The following RGS10 variants were observed in gnomAD, a reference collection of about 807,000 sequenced individuals.
RGS10 encodes regulator of G protein signaling 10.
A neutral mutation model predicts 23.5 loss-of-function variants in RGS10; 11 were observed. The observed-to-expected ratio is 0.47, with a 90% confidence interval of 0.29 to 0.77. RGS10 has a LOEUF of 0.77. Among genes scored for constraint, RGS10 ranks in the 30% least tolerant of loss-of-function variants. The probability of loss-of-function intolerance (pLI) is 0.08; values close to 1 mark genes in which losing one functional copy is unlikely to be tolerated. For missense variants in RGS10, 180 were observed against 226.3 expected, an observed-to-expected ratio of 0.80 and a Z score of 1.31; for synonymous variants, 77 against 83.2, an observed-to-expected ratio of 0.92 and a Z score of 0.41.
chr10:119,504,177 GTTC>G (rs1167210003), intron 4 of RGS10, among the ~76,000 whole-genome samples: 7 of 152,192 alleles, frequency 4.6e-5, no homozygotes, highest in Admixed American at 6.5e-5. Context: ...TCCCAAATAC[GTTC>G]TTTTTTGTTG....
At chr10:119,500,835 T>C (rs952173754) in intron 4 of RGS10, among the ~76,000 whole-genome samples, 2 of 152,048 alleles carry the variant, frequency 1.3e-5, no homozygotes, top group East Asian at 3.9e-4. Flanking sequence ...AAATAAAGAA[T>C]AGAGCAGCCA....
At chr10:119,541,827 C>A (rs1474373169) in intron 1 of RGS10, among the ~76,000 whole-genome samples, 1 of 152,204 alleles carries the variant, frequency 6.6e-6, no homozygotes, top group African/African-American at 2.4e-5. Flanking sequence ...GAGAGTTCAC[C>A]CAACGCGGTG....
chr10:119,521,734 A>C (rs940428234), intron 3 of RGS10, among the ~76,000 whole-genome samples: 12 of 149,074 alleles, frequency 8.0e-5, no homozygotes, highest in Admixed American at 2.0e-4. Flanking sequence ...AAAAAAAAAA[A>C]AACAGAACAG....
At chr10:119,526,142 C>G (rs200782426) in intron 2 of RGS10, 24 bp from the exon 3 acceptor site, 2 of 1,233,324 alleles carry the variant, frequency 1.6e-6, no homozygotes, top group East Asian at 2.4e-5. Flanking sequence ...GAAAAAGAGT[C>G]ACACAGTATT....
chr10:119,501,124 T>C (rs984920168), intron 4 of RGS10, among the ~76,000 whole-genome samples: 19 of 152,184 alleles, frequency 1.2e-4, no homozygotes, highest in African/African-American at 4.1e-4. Context: ...CCATCTGCCC[T>C]CCTCCCTTGC....
intron 3 of RGS10, among the ~76,000 whole-genome samples, chr10:119,523,447 T>G (rs979891872): frequency 2.6e-5 from 4 of 152,128 alleles, no homozygotes; most frequent in Admixed American, 2.6e-4. Flanking sequence ...GGCGGATCAC[T>G]TGAGGTCAGA....
chr10:119,509,495 G>A (rs1844053133), intron 4 of RGS10, among the ~76,000 whole-genome samples: 1 of 152,050 alleles, frequency 6.6e-6, no homozygotes, highest in African/African-American at 2.4e-5. Context: ...GGAGGCTGAG[G>A]TGGGAGGATT....
chr10:119,505,614 C>T (rs542344549), intron 4 of RGS10, among the ~76,000 whole-genome samples: 1 of 152,228 alleles, frequency 6.6e-6, no homozygotes, highest in South Asian at 2.1e-4. Flanking sequence ...CAGGATTTGC[C>T]TTCCTGAAAG....
At chr10:119,506,891 G>C (rs943436603) in intron 4 of RGS10, among the ~76,000 whole-genome samples, 2 of 152,068 alleles carry the variant, frequency 1.3e-5, no homozygotes, top group Non-Finnish European at 2.9e-5. Context: ...AGTAGAGACG[G>C]GGTTTCACCA....
At chr10:119,529,437 A>T (rs1229585162) in intron 1 of RGS10, among the ~76,000 whole-genome samples, 1 of 152,156 alleles carries the variant, frequency 6.6e-6, no homozygotes, top group Non-Finnish European at 1.5e-5. Flanking sequence ...CTGGGTGACA[A>T]GAGCGAAACT....
At chr10:119,510,985 TGG>T (rs1362441350) in intron 4 of RGS10, among the ~76,000 whole-genome samples, 2 of 152,180 alleles carry the variant, frequency 1.3e-5, no homozygotes, top group Non-Finnish European at 2.9e-5. Flanking sequence ...CCCAAAGTGC[TGG>T]GATTACAGGT....
At chr10:119,518,794 T>C (rs1472789084) in intron 3 of RGS10, among the ~76,000 whole-genome samples, 1 of 151,094 alleles carries the variant, frequency 6.6e-6, no homozygotes, top group Non-Finnish European at 1.5e-5. Context: ...AAGCTCTGCC[T>C]CCCGGGTTCA....
In RGS10 at chr10:119,517,594, G is replaced by T. The variant is rs1383192442; in HGVS notation, c.256-1942C>A. 1.3e-5 allele frequency among the ~76,000 whole-genome samples: 2 copies of T among 152,158 alleles called. No homozygotes were observed. Among genetic ancestry groups the T allele is most frequent in the Admixed American group, 1.3e-4 (2 of 15,272 alleles). On this transcript the variant is annotated intron_variant, in intron 3 of 4. Coordinates refer to ENST00000369103, the MANE Select transcript of RGS10 (RefSeq NM_001005339.2). The surrounding 1 kb of genome is among the most constrained non-coding windows in gnomAD (Gnocchi z 5.0). ...TTCATGAAAGGAGAATTTCGGCCAG[G>T]CAGATGAGCAAACTCCATGCAGAGG...
chr10:119,519,336 C>T, intron 3 of RGS10, among the ~76,000 whole-genome samples: 1 of 138,714 alleles, frequency 7.2e-6, no homozygotes, highest in South Asian at 2.2e-4. Context: ...CTGTCTGTCC[C>T]CAGCTCCTGT....
At chr10:119,514,801 G>C (rs376479229) in intron 4 of RGS10, among the ~76,000 whole-genome samples, 1 of 152,294 alleles carries the variant, frequency 6.6e-6, no homozygotes, top group Admixed American at 6.5e-5. Flanking sequence ...AGGGAGCTCT[G>C]ACAAGATTCT....
intron 3 of RGS10, among the ~76,000 whole-genome samples, chr10:119,520,809 CAA>C (rs58487462): frequency 2.0e-3 from 248 of 126,008 alleles, no homozygotes; most frequent in Non-Finnish European, 2.5e-3. Context: ...TCTCCAAAAG[CAA>C]AAAAAAAAAA....
At chr10:119,509,114 TAGGC>T in intron 4 of RGS10, among the ~76,000 whole-genome samples, 1 of 151,954 alleles carries the variant, frequency 6.6e-6, no homozygotes, top group Non-Finnish European at 1.5e-5. Flanking sequence ...AAAATTAAAA[TAGGC>T]AGGGCGCAGT....
chr10:119,520,378 G>A (rs1476052207), intron 3 of RGS10, among the ~76,000 whole-genome samples: 1 of 152,148 alleles, frequency 6.6e-6, no homozygotes, highest in African/African-American at 2.4e-5. Flanking sequence ...GACGGCAGGA[G>A]CTCGAGGGCA....
intron 1 of RGS10, among the ~76,000 whole-genome samples, chr10:119,529,260 T>C (rs931293539): frequency 6.6e-6 from 1 of 151,942 alleles, no homozygotes; most frequent in Non-Finnish European, 1.5e-5. Flanking sequence ...CAAGACCAGC[T>C]TGGCCAACAT....
Sources: allele counts gnomAD v4.1 joint callset (sites outside exome capture counted in the v4.1 genomes callset), GRCh38; gene constraint gnomAD v4.1.1; non-coding constraint Gnocchi (gnomAD v3.1); transcripts MANE v1.5; gene names NCBI Gene and HGNC (gene_info 2026-07-23, HGNC 2026-07-21).